LRBA: variants seen among roughly 807,000 people sequenced by gnomAD.
The protein encoded by LRBA is LPS responsive beige-like anchor protein, also known as lipopolysaccharide-responsive and beige-like anchor protein.
A neutral mutation model predicts 330.0 loss-of-function variants in LRBA; 176 were observed. The observed-to-expected ratio is 0.53, with a 90% CI of 0.47 to 0.60. LRBA has a LOEUF of 0.60. Ranked by LOEUF, LRBA falls within the 20% of genes least tolerant of loss-of-function variation. The pLI is 0.00. For missense variants in LRBA, 3,259 were observed against 3,444.8 expected (o/e 0.95, Z 1.35); for synonymous variants, 1,230 against 1,193.0 (o/e 1.03, Z -0.64).
In LRBA at chr4:150,790,749, C is replaced by T. The variant is rs78666678; in HGVS notation, c.5580+7332G>A. Among the ~76,000 whole-genome samples, 243 of 152,342 alleles carry T rather than the reference C, an allele frequency of 1.6e-3. 1 individual carries two copies. The highest frequency in any genetic ancestry group is 3.6e-3 in the Admixed American group (55 of 15,294). ...AGTCCTCACAAGTCTATACTTCCTT[C>T]TTTTAAGGTCAACTGTTTTTACTGC... On this transcript the variant is annotated intron_variant, in intron 34 of 56. Transcript: ENST00000651943.
At chr4:150,675,985 C>A (rs1022416673) in intron 37 of LRBA, among the ~76,000 whole-genome samples, 7 of 152,088 alleles carry the variant, frequency 4.6e-5, no homozygotes, top group African/African-American at 1.7e-4. Context: ...AGTAAGATTG[C>A]CCATATATTT....
intron 40 of LRBA, among the ~76,000 whole-genome samples, chr4:150,550,847 G>A (rs936580426): frequency 6.6e-6 from 1 of 152,048 alleles, no homozygotes; most frequent in Non-Finnish European, 1.5e-5. Flanking sequence ...ATTATATCAG[G>A]GCTTCCTCAT....
intron 36 of LRBA, among the ~76,000 whole-genome samples, chr4:150,727,691 A>G (rs924138603): frequency 3.9e-5 from 6 of 152,158 alleles, no homozygotes; most frequent in African/African-American, 1.2e-4. Context: ...ACAACATACT[A>G]AAGCATACAG....
At chr4:150,312,386 A>T (rs1333079498) in intron 51 of LRBA, among the ~76,000 whole-genome samples, 1 of 152,050 alleles carries the variant, frequency 6.6e-6, no homozygotes, top group South Asian at 2.1e-4. Flanking sequence ...ACTTTAATAT[A>T]TTCTACTGCT....
Position 150,321,378 on chromosome 4 carries a change from G to A in LRBA, c.7453-10C>T. The A allele has an allele frequency of 6.4e-7, 1 of 1,570,592 alleles. No homozygotes were observed. Among genetic ancestry groups the A allele is most frequent in the South Asian group, 1.2e-5 (1 of 83,526 alleles). ...TGAACATCAATGGACTCTGCAGGAG[G>A]AGATACTGTTGAGTGGGCATGACAA... On this transcript the variant is annotated splice_polypyrimidine_tract_variant and intron_variant, in intron 49 of 56. Transcript: ENST00000651943. This position sits in a 1 kb window ranked among gnomAD's most constrained non-coding sequence, Gnocchi z 4.5.
At chr4:150,912,826 T>A (rs1284787450) in intron 9 of LRBA, among the ~76,000 whole-genome samples, 1 of 152,218 alleles carries the variant, frequency 6.6e-6, no homozygotes. Context: ...TTGGTGATAA[T>A]GATCAGTCAT....
chr4:150,672,433 A>G (rs1369937896), intron 37 of LRBA, among the ~76,000 whole-genome samples: 1 of 152,026 alleles, frequency 6.6e-6, no homozygotes, highest in African/African-American at 2.4e-5. Flanking sequence ...AGGTACCATA[A>G]ACTTCAGAAA....
At chr4:150,760,396 C>G (rs1734914212) in intron 35 of LRBA, among the ~76,000 whole-genome samples, 1 of 152,092 alleles carries the variant, frequency 6.6e-6, no homozygotes, top group East Asian at 1.9e-4. Flanking sequence ...TACTGTTCTT[C>G]ATTTCAATCA....
At chr4:150,885,224 A>T (rs1728823572) in intron 17 of LRBA, among the ~76,000 whole-genome samples, 1 of 151,768 alleles carries the variant, frequency 6.6e-6, no homozygotes, top group African/African-American at 2.4e-5. Flanking sequence ...AAAGGCACAG[A>T]AAAGAAACAT....
At chr4:150,785,185 G>A (rs1450913530) in intron 34 of LRBA, among the ~76,000 whole-genome samples, 1 of 152,146 alleles carries the variant, frequency 6.6e-6, no homozygotes, top group Non-Finnish European at 1.5e-5. Flanking sequence ...ATCATAGGGA[G>A]TCAAAGTTGT....
intron 43 of LRBA, among the ~76,000 whole-genome samples, chr4:150,470,860 CA>C: frequency 8.1e-6 from 1 of 122,940 alleles, no homozygotes; most frequent in South Asian, 2.8e-4. Context: ...CACACACACA[CA>C]CACACACACA....
intron 16 of LRBA, among the ~76,000 whole-genome samples, chr4:150,894,931 A>G (rs572553350): frequency 6.6e-6 from 1 of 152,296 alleles, no homozygotes; most frequent in African/African-American, 2.4e-5. Flanking sequence ...AAATATCATA[A>G]TCATTAATGA....
intron 2 of LRBA, among the ~76,000 whole-genome samples, chr4:150,950,513 T>G (rs755821316): frequency 6.6e-6 from 1 of 152,022 alleles, no homozygotes; most frequent in African/African-American, 2.4e-5. Context: ...AAATCTTACT[T>G]TGAAGAACAC....
At chr4:150,719,890 G>A (rs759959532) in intron 36 of LRBA, among the ~76,000 whole-genome samples, 9 of 152,114 alleles carry the variant, frequency 5.9e-5, no homozygotes, top group Non-Finnish European at 1.2e-4. Flanking sequence ...ATGATTCAAA[G>A]CCTAAGCACA....
intron 37 of LRBA, among the ~76,000 whole-genome samples, chr4:150,660,708 A>AT (rs1410806892): frequency 7.4e-6 from 1 of 134,964 alleles, no homozygotes; most frequent in Non-Finnish European, 1.6e-5. Context: ...GAGACTTTTC[A>AT]TTTTGTTCTG....
chr4:150,748,750 A>G (rs1168376944), intron 35 of LRBA, among the ~76,000 whole-genome samples: 1 of 152,144 alleles, frequency 6.6e-6, no homozygotes, highest in Non-Finnish European at 1.5e-5. Context: ...TTCTTGTAGA[A>G]ACCTAATCTC....
intron 47 of LRBA, among the ~76,000 whole-genome samples, chr4:150,366,044 T>G (rs1739428108): frequency 6.6e-6 from 1 of 152,190 alleles, no homozygotes; most frequent in Admixed American, 6.5e-5. Context: ...ATTTTTTTAT[T>G]TTAAAAAATG....
chr4:150,342,145 T>G (rs1256353825), intron 48 of LRBA, among the ~76,000 whole-genome samples: 1 of 152,104 alleles, frequency 6.6e-6, no homozygotes, highest in African/African-American at 2.4e-5. Context: ...TTTTGAAAAT[T>G]TCTTCTTTCC....
Position 150,923,209 on chromosome 4 carries a change from T to G in LRBA, c.550-1916A>C, listed in dbSNP as rs554172428. ...CAAAAAAAAAAAAAAACAACTATAC[T>G]TTCACCATTAAAATAGGGACCAAAA... On this transcript the variant is annotated intron_variant, in intron 4 of 56. Coordinates refer to ENST00000651943, the MANE Select transcript of LRBA (RefSeq NM_001364905.1). 4.3e-4 allele frequency among the ~76,000 whole-genome samples: 65 copies of G among 150,834 alleles called. 1 individual carries two copies. The highest frequency in any genetic ancestry group is 3.4e-3 in the Admixed American group (52 of 15,130).
Sources: gnomAD v4.1 joint callset for allele counts (sites outside exome capture counted in the v4.1 genomes callset) on GRCh38, gnomAD v4.1.1 for gene constraint, Gnocchi (gnomAD v3.1) non-coding constraint, MANE v1.5 for transcripts, NCBI Gene and HGNC (gene_info 2026-07-23, HGNC 2026-07-21) for gene names.